The following MYT1L variants were observed in gnomAD, a reference collection of about 807,000 sequenced individuals.
MYT1L encodes the protein myelin transcription factor 1 like, also known as myelin transcription factor 1-like protein.
Under a neutral mutation model 126.7 loss-of-function variants are expected in MYT1L, and 12 were observed. That is an observed-to-expected ratio of 0.09 (90% CI 0.06 to 0.15). MYT1L has a LOEUF of 0.15. Among genes scored for constraint, MYT1L ranks in the 10% least tolerant of loss-of-function variants. MYT1L has a pLI of 1.00. For synonymous variants in MYT1L, 541 were observed against 604.2 expected (o/e 0.90, Z 1.53); for missense variants, 979 against 1,585.2 (o/e 0.62, Z 6.49).
chr2:2,309,825 C>T (rs1188963614), intron 1 of MYT1L, among the ~76,000 whole-genome samples: 1 of 151,844 alleles, frequency 6.6e-6, no homozygotes, highest in African/African-American at 2.4e-5. Context: ...TCGGCATACT[C>T]TATATAGACT....
chr2:2,049,321 A>G (rs2150070619), intron 4 of MYT1L, among the ~76,000 whole-genome samples: 1 of 152,362 alleles, frequency 6.6e-6, no homozygotes. Flanking sequence ...TATGCACACA[A>G]GTGATATATA....
At chr2:2,205,989 T>C (rs555374761) in intron 2 of MYT1L, among the ~76,000 whole-genome samples, 37 of 98,044 alleles carry the variant, frequency 3.8e-4, no homozygotes, top group Non-Finnish European at 7.7e-4. Context: ...CTTTTCTTTC[T>C]TTTTTTTTTT....
intron 10 of MYT1L, among the ~76,000 whole-genome samples, chr2:1,921,358 G>A (rs1558403885): frequency 6.6e-6 from 1 of 152,126 alleles, no homozygotes; most frequent in South Asian, 2.1e-4. Flanking sequence ...GCCTCATATT[G>A]AAAGTGGACA....
chr2:1,922,585 A>G lies in MYT1L; in HGVS notation c.1184T>C (p.Val395Ala), dbSNP rs1335226719. The G allele has an allele frequency of 2.2e-5, 35 of 1,613,622 alleles. 2 individuals are homozygous for G. The East Asian group carries it at 7.1e-4, about 33-fold the overall frequency. The stretch of plus-strand genomic sequence containing the variant: ...ATCCTCCTTCGCACAGCTGGCAAAC[A>G]CTCTCGACCGGGGGCTCAACTGCTC... ...LEEQLSPRSRVFASCAKEDGC... is the reference protein window; with the variant it reads ...LEEQLSPRSRAFASCAKEDGC... Residue 395 changes from valine (V) to alanine (A), a missense_variant, in exon 10 of 25, where the codon GTG becomes GCG. Transcript: ENST00000647738. The surrounding 1 kb of genome is among the most constrained non-coding windows in gnomAD (Gnocchi z 7.4).
At chr2:2,056,950 G>T (rs1460693030) in intron 3 of MYT1L, among the ~76,000 whole-genome samples, 1 of 152,084 alleles carries the variant, frequency 6.6e-6, no homozygotes, top group African/African-American at 2.4e-5. Context: ...GTTTTAAACT[G>T]TTTTGAGGTA....
At chr2:2,223,409 T>C (rs1039443007) in intron 2 of MYT1L, among the ~76,000 whole-genome samples, 3 of 152,238 alleles carry the variant, frequency 2.0e-5, no homozygotes, top group African/African-American at 7.2e-5. Flanking sequence ...CATTGATTTA[T>C]TCTAGAATTG....
chr2:2,177,673 G>A (rs1301308308), intron 2 of MYT1L, among the ~76,000 whole-genome samples: 2 of 152,178 alleles, frequency 1.3e-5, no homozygotes, highest in Non-Finnish European at 2.9e-5. Context: ...GTGAAAGAGA[G>A]AATTTGAGAG....
chr2:1,868,995 C>T (rs34862414), intron 18 of MYT1L, among the ~76,000 whole-genome samples: 1 of 152,218 alleles, frequency 6.6e-6, no homozygotes, highest in Admixed American at 6.5e-5. Context: ...GCCCAGGAAC[C>T]TTTGGAACAC....
chr2:2,281,669 A>T (rs1368694822), intron 2 of MYT1L, among the ~76,000 whole-genome samples: 1 of 152,242 alleles, frequency 6.6e-6, no homozygotes, highest in Non-Finnish European at 1.5e-5. Context: ...CATATGAAAT[A>T]GAAATTAGCC....
chr2:2,252,977 A>G lies in MYT1L; in HGVS notation c.-421+31427T>C, dbSNP rs568883554. On this transcript the variant is annotated intron_variant, in intron 2 of 24. Transcript: ENST00000647738. ...GTCAAGGAAGTAAAATTTTTTTTAA[A>G]AAAATAAACCAAATTTCTATCCCTC... Among the ~76,000 whole-genome samples, 19 of 152,250 alleles carry G rather than the reference A, an allele frequency of 1.2e-4. No individual in the cohort carries two copies. The East Asian group carries it at 2.3e-3, about 19-fold the overall frequency.
chr2:2,197,414 T>C (rs1291039835), intron 2 of MYT1L, among the ~76,000 whole-genome samples: 1 of 152,140 alleles, frequency 6.6e-6, no homozygotes, highest in Non-Finnish European at 1.5e-5. Flanking sequence ...TAAAATACTA[T>C]TGACTGTGCC....
At chr2:2,172,330 C>T (rs1444067790) in intron 3 of MYT1L, among the ~76,000 whole-genome samples, 1 of 152,130 alleles carries the variant, frequency 6.6e-6, no homozygotes, top group East Asian at 1.9e-4. Context: ...TCATGGGCAC[C>T]ATTCCCTCCC....
rs539214584 is a variant in MYT1L at position 1,884,411 on chromosome 2, C to T, written c.2711+2128G>A. Reference sequence around the variant, plus strand: ...GTTGCGAGTCATGAGGGGCTCAGTCCATGCTCCTGGGCTTGAGAGACCCAC... The same window carrying T: ...GTTGCGAGTCATGAGGGGCTCAGTCTATGCTCCTGGGCTTGAGAGACCCAC... On this transcript the variant is annotated intron_variant, in intron 18 of 24. Coordinates refer to ENST00000647738, the MANE Select transcript of MYT1L (RefSeq NM_001303052.2). Among the ~76,000 whole-genome samples, 25 of 152,320 alleles carry T rather than the reference C, an allele frequency of 1.6e-4. No homozygotes were observed. In the South Asian group the frequency reaches 5.0e-3, roughly 30 times the overall value.
Position 1,839,136 on chromosome 2 carries a change from C to CGCAG in MYT1L, c.3080+12_3080+13insCTGC. 8 of 1,598,138 alleles carry CGCAG rather than the reference C, an allele frequency of 5.0e-6. No homozygotes were observed. The highest frequency in any genetic ancestry group is 6.8e-6 in the Non-Finnish European group (8 of 1,171,040). ...ACCATCCCAGCCAGGGTCCCGCAGACGCGGCCACTCACCTGCGGTGTGTGA... is the reference window on the plus strand; with the variant it reads ...ACCATCCCAGCCAGGGTCCCGCAGACGCAGGCGGCCACTCACCTGCGGTGTGTGA... On this transcript the variant is annotated intron_variant, in intron 21 of 24. Transcript: ENST00000647738.
At chr2:2,056,145 T>C (rs1362608933) in intron 3 of MYT1L, among the ~76,000 whole-genome samples, 1 of 152,214 alleles carries the variant, frequency 6.6e-6, no homozygotes, top group Non-Finnish European at 1.5e-5. Flanking sequence ...CATTCACAAA[T>C]CATGGAGTCA....
intron 3 of MYT1L, among the ~76,000 whole-genome samples, chr2:2,116,328 T>C (rs1174083449): frequency 1.3e-5 from 2 of 152,238 alleles, no homozygotes; most frequent in Non-Finnish European, 2.9e-5. Context: ...CTGAGCACCA[T>C]GCTGAGTCGT....
chr2:2,103,897 C>T (rs138149549), intron 3 of MYT1L, among the ~76,000 whole-genome samples: 16 of 152,342 alleles, frequency 1.1e-4, no homozygotes, highest in South Asian at 2.1e-4. Context: ...GTATAGAAAA[C>T]GGTTTCTCCA....
intron 3 of MYT1L, among the ~76,000 whole-genome samples, chr2:2,160,077 C>T (rs1044466958): frequency 2.6e-5 from 4 of 152,126 alleles, no homozygotes; most frequent in Admixed American, 6.6e-5. Flanking sequence ...TAGTATCAAC[C>T]TCATGGGGTG....
At chr2:2,157,377 G>A (rs2086904668) in intron 3 of MYT1L, among the ~76,000 whole-genome samples, 2 of 152,088 alleles carry the variant, frequency 1.3e-5, no homozygotes, top group Non-Finnish European at 2.9e-5. Context: ...ATATGTCCAT[G>A]GACTAGACTT....
Sources: gnomAD v4.1 joint callset for allele counts (sites outside exome capture counted in the v4.1 genomes callset) on GRCh38, gnomAD v4.1.1 for gene constraint, Gnocchi (gnomAD v3.1) non-coding constraint, MANE v1.5 for transcripts, NCBI Gene and HGNC (gene_info 2026-07-23, HGNC 2026-07-21) for gene names.